FPR2: variants seen among roughly 807,000 people sequenced by gnomAD.
FPR2 encodes N-formyl peptide receptor 2.
A neutral mutation model predicts 4.0 loss-of-function variants in FPR2; 3 were observed. The ratio of observed to expected loss-of-function variants is 0.74; its 90% confidence interval spans 0.34 to 1.92. The LOEUF (loss-of-function observed/expected upper bound fraction) is 1.92. Ranked by LOEUF, FPR2 falls within the 30% of genes most tolerant of loss-of-function variation. The probability of loss-of-function intolerance (pLI) is 0.07; values close to 1 mark genes in which losing one functional copy is unlikely to be tolerated. For synonymous variants in FPR2, 179 were observed against 171.5 expected, an observed-to-expected ratio of 1.04 and a Z score of -0.34; for missense variants, 372 against 435.7, an observed-to-expected ratio of 0.85 and a Z score of 1.30.
intron 1 of FPR2, among the ~76,000 whole-genome samples, chr19:51,764,261 C>A (rs892387853): frequency 2.6e-5 from 4 of 152,106 alleles, no homozygotes; most frequent in Admixed American, 2.6e-4. Flanking sequence ...AACAAGAAGT[C>A]TTTATTCACA....
Position 51,769,909 on chromosome 19 carries a change from GT to G in FPR2, c.*201del. 1 of 606,448 alleles carries G rather than the reference GT, an allele frequency of 1.6e-6. No homozygotes were observed. 37.6% of individuals were successfully genotyped at this position (606,448 alleles called of 1,614,324 possible). ...TACTAAAATATTAGTGTTATTTTTT[GT>G]TTTTTGACTTCTGCCTATACCCTGG... On this transcript the variant is annotated 3_prime_UTR_variant, in exon 2 of 2. Coordinates refer to ENST00000340023, the MANE Select transcript of FPR2 (RefSeq NM_001005738.2). The surrounding 1 kb of genome is among the most constrained non-coding windows in gnomAD (Gnocchi z 4.4).
Position 51,769,443 on chromosome 19 carries a change from TTCTGGGCACCG to T in FPR2, c.791_801del (p.Gly264AlafsTer14), listed in dbSNP as rs2083888578. 6.2e-7 allele frequency: 1 copy of T among 1,614,118 alleles called. No individual in the cohort carries two copies. Among genetic ancestry groups the T allele is most frequent in the South Asian group, 1.1e-5 (1 of 91,090 alleles). ...TGGTTTCCCTTTCAACTGGTTGCCC[TTCTGGGCACCG>T]TCTGGCTCAAAGAGATGTTGTTCTA... On this transcript the variant is annotated frameshift_variant, in exon 2 of 2. Coordinates refer to ENST00000340023, the MANE Select transcript of FPR2 (RefSeq NM_001005738.2). LOFTEE classifies it low-confidence loss of function (END_TRUNC). The surrounding 1 kb of genome is among the most constrained non-coding windows in gnomAD (Gnocchi z 4.4).
intron 1 of FPR2, among the ~76,000 whole-genome samples, chr19:51,762,212 A>C (rs906034842): frequency 1.3e-5 from 2 of 151,072 alleles, no homozygotes; most frequent in African/African-American, 2.4e-5. Flanking sequence ...CAGCCTCCCA[A>C]GTAGCTGGGA....
In FPR2 at chr19:51,769,029, G is replaced by A. The variant is rs930013266; in HGVS notation, c.371G>A (p.Cys124Tyr). 5 of 1,614,068 alleles carry A rather than the reference G, an allele frequency of 3.1e-6. No homozygotes were observed. The African/African-American group carries it at 5.3e-5, about 17-fold the overall frequency. Residue 124 changes from cysteine to tyrosine, a missense_variant, in exon 2 of 2, where the codon TGC becomes TAC. Coordinates refer to ENST00000340023, the MANE Select transcript of FPR2 (RefSeq NM_001005738.2). This position sits in a 1 kb window ranked among gnomAD's most constrained non-coding sequence, Gnocchi z 4.4. ...ATTGGTTTCATTGCACTGGACCGCT[G>A]CATTTGTGTCCTGCATCCAGTCTGG... is the stretch of plus-strand genomic sequence containing the variant. ...FLIGFIALDR[C>Y]ICVLHPVWAQ...
chr19:51,765,324 C>T (rs1304430047), intron 1 of FPR2, among the ~76,000 whole-genome samples: 2 of 152,184 alleles, frequency 1.3e-5, no homozygotes, highest in Non-Finnish European at 2.9e-5. Flanking sequence ...TACCTGGTAA[C>T]GTTGAACAAT....
Position 51,769,616 on chromosome 19 carries a change from A to G in FPR2, c.958A>G (p.Ser320Gly). ...GAGACTGATCCACTCCCTGCCCACC[A>G]GTCTGGAGAGGGCCCTGTCTGAGGA... ...RERLIHSLPT[S>G]LERALSEDSA... Residue 320 changes from serine (S) to glycine (G), a missense_variant, in exon 2 of 2, where the codon AGT (serine) becomes GGT (glycine). Ser to Gly is a moderately conservative substitution (Grantham distance 56, BLOSUM62 0). Coordinates refer to ENST00000340023, the MANE Select transcript of FPR2 (RefSeq NM_001005738.2). The surrounding 1 kb of genome is among the most constrained non-coding windows in gnomAD (Gnocchi z 4.4). 2 of 1,614,148 alleles carry G rather than the reference A, an allele frequency of 1.2e-6. No individual in the cohort carries two copies. Among genetic ancestry groups the G allele is most frequent in the Non-Finnish European group, 1.7e-6 (2 of 1,180,012 alleles).
rs1159394552 is a variant in FPR2, at chr19:51,769,305, T to C, written c.647T>C (p.Ile216Thr). Residue 216 changes from isoleucine to threonine, a missense_variant, in exon 2 of 2, where the codon ATT (isoleucine) becomes ACT (threonine). Coordinates refer to ENST00000340023, the MANE Select transcript of FPR2 (RefSeq NM_001005738.2). The surrounding 1 kb of genome is among the most constrained non-coding windows in gnomAD (Gnocchi z 4.4). ...ATTGGCTTTAGCTTGCCGATGTCCA[T>C]TGTTGCCATCTGCTATGGGCTCATT... ...FVIGFSLPMS[I>T]VAICYGLIAA... is the part of the protein sequence containing the mutation. 1.2e-6 allele frequency: 2 copies of C among 1,614,070 alleles called. No individual in the cohort carries two copies. The highest frequency in any genetic ancestry group is 1.3e-5 in the African/African-American group (1 of 74,920).
Position 51,769,771 on chromosome 19 carries a change from C to T in FPR2, c.*57C>T, listed in dbSNP as rs2083891225. On this transcript the variant is annotated 3_prime_UTR_variant, in exon 2 of 2. Transcript: ENST00000340023. The surrounding 1 kb of genome is among the most constrained non-coding windows in gnomAD (Gnocchi z 4.4). The stretch of plus-strand genomic sequence containing the variant: ...CATCCTACCCTAATGCCAGTTCCAG[C>T]TTCATCTACCCTTGAGTCATATTGA... 1.5e-5 allele frequency: 21 copies of T among 1,425,748 alleles called. No individual in the cohort carries two copies. The highest frequency in any genetic ancestry group is 1.9e-5 in the Non-Finnish European group (19 of 1,020,220). 88.3% of individuals were successfully genotyped at this position (1,425,748 alleles called of 1,614,324 possible).
Position 51,768,819 on chromosome 19 carries a change from G to A in FPR2, c.161G>A (p.Arg54Gln), listed in dbSNP as rs192933693. Residue 54 changes from arginine (R) to glutamine (Q), a missense_variant, in exon 2 of 2, where the codon CGG (arginine) becomes CAG (glutamine). Transcript: ENST00000340023. Reference sequence around the variant, plus strand: ...CTTGTGATCTGGGTGGCTGGATTCCGGATGACACGCACAGTCACCACCATC... The same window carrying A: ...CTTGTGATCTGGGTGGCTGGATTCCAGATGACACGCACAGTCACCACCATC... ...NGLVIWVAGF[R>Q]MTRTVTTICY... 172 of 1,614,120 alleles carry A rather than the reference G, an allele frequency of 1.1e-4. 1 individual carries two copies. Among genetic ancestry groups the A allele is most frequent in the Middle Eastern group, 1.6e-4 (1 of 6,062 alleles).
At chr19:51,762,394 C>CTT (rs750941089) in intron 1 of FPR2, 45 of 116,094 alleles carry the variant, frequency 3.9e-4, no homozygotes, top group Middle Eastern at 9.6e-3. Context: ...CCTTATTGGA[C>CTT]TTTTTTTTTT....
rs2083888244 is a variant in FPR2 at position 51,769,403 on chromosome 19, T to C, written c.745T>C (p.Ser249Pro). Residue 249 changes from serine to proline, a missense_variant, in exon 2 of 2, where the codon TCT (serine) becomes CCT (proline). Ser to Pro is a moderately conservative substitution (Grantham distance 74). Transcript: ENST00000340023. The surrounding 1 kb of genome is among the most constrained non-coding windows in gnomAD (Gnocchi z 4.4). ...ACGGGTCCTCACTGCTGTGGTGGCT[T>C]CTTTCTTCATCTGTTGGTTTCCCTT... The part of the protein sequence containing the change: ...PLRVLTAVVA[S>P]FFICWFPFQL... 6 of 1,614,220 alleles carry C rather than the reference T, an allele frequency of 3.7e-6. No homozygotes were observed. The East Asian group carries it at 1.3e-4, about 36-fold the overall frequency.
chr19:51,761,831 A>C (rs1225221479), intron 1 of FPR2, among the ~76,000 whole-genome samples: 1 of 152,150 alleles, frequency 6.6e-6, no homozygotes, highest in African/African-American at 2.4e-5. Context: ...AAGTGTGAGG[A>C]GCTTAAGAGG....
intron 1 of FPR2, chr19:51,762,926 A>G (rs1303263804): frequency 6.6e-6 from 1 of 152,256 alleles, no homozygotes; most frequent in Non-Finnish European, 1.5e-5. Context: ...GTGAAATGAA[A>G]GATAAGTTCT....
chr19:51,769,411 C>T lies in FPR2; in HGVS notation c.753C>T (p.Phe251=). The T allele has an allele frequency of 6.2e-7, 1 of 1,614,238 alleles. No individual in the cohort carries two copies. The highest frequency in any genetic ancestry group is 1.1e-5 in the South Asian group (1 of 91,090). The part of the protein sequence containing the change: ...RVLTAVVASF[F]ICWFPFQLVA... ...TCACTGCTGTGGTGGCTTCTTTCTTCATCTGTTGGTTTCCCTTTCAACTGG... is the reference window on the plus strand; with the variant it reads ...TCACTGCTGTGGTGGCTTCTTTCTTTATCTGTTGGTTTCCCTTTCAACTGG... Residue 251 remains phenylalanine, a synonymous_variant, in exon 2 of 2, where the codon TTC becomes TTT. Transcript: ENST00000340023. The surrounding 1 kb of genome is among the most constrained non-coding windows in gnomAD (Gnocchi z 4.4).
At position 51,769,370 on chromosome 19, in the gene FPR2, C is replaced by A. The variant is rs866790761; in HGVS notation, c.712C>A (p.Arg238Ser). ...CAAAAAGGGCATGATTAAATCCAGC[C>A]GTCCCTTACGGGTCCTCACTGCTGT... ...IHKKGMIKSS[R>S]PLRVLTAVVA... Residue 238 changes from arginine to serine, a missense_variant, in exon 2 of 2, where the codon CGT (arginine) becomes AGT (serine). Arg to Ser is a moderately radical substitution (Grantham distance 110, BLOSUM62 -1). Transcript: ENST00000340023. This position sits in a 1 kb window ranked among gnomAD's most constrained non-coding sequence, Gnocchi z 4.4. The A allele has an allele frequency of 6.2e-7, 1 of 1,614,214 alleles. No homozygotes were observed. Among genetic ancestry groups the A allele is most frequent in the African/African-American group, 1.3e-5 (1 of 75,050 alleles).
chr19:51,764,149 G>A (rs1468813344), intron 1 of FPR2, among the ~76,000 whole-genome samples: 1 of 152,128 alleles, frequency 6.6e-6, no homozygotes, highest in African/African-American at 2.4e-5. Context: ...AATCTTGAGG[G>A]TTTGTTTTTG....
At position 51,768,680 on chromosome 19, in the gene FPR2, C is replaced by T. The variant is rs149355664; in HGVS notation, c.22C>T (p.Pro8Ser). 25 of 1,609,124 alleles carry T rather than the reference C, an allele frequency of 1.6e-5. No individual in the cohort carries two copies. In the African/African-American group the frequency reaches 2.8e-4, roughly 18 times the overall value. ...CAAGATGGAAACCAACTTCTCCACTCCTCTGAATGAATATGAAGAAGTGTC... is the reference window on the plus strand; with the variant it reads ...CAAGATGGAAACCAACTTCTCCACTTCTCTGAATGAATATGAAGAAGTGTC... METNFST[P>S]LNEYEEVSYE... Residue 8 changes from proline to serine, a missense_variant, in exon 2 of 2, where the codon CCT (proline) becomes TCT (serine). Transcript: ENST00000340023.
In FPR2 at chr19:51,769,822, T is replaced by C. The variant is rs1269394200; in HGVS notation, c.*108T>C. 3 of 904,450 alleles carry C rather than the reference T, an allele frequency of 3.3e-6. No individual in the cohort carries two copies. Among genetic ancestry groups the C allele is most frequent in the Non-Finnish European group, 5.1e-6 (3 of 591,378 alleles). 56.0% of individuals were successfully genotyped at this position (904,450 alleles called of 1,614,324 possible). A position where few individuals can be genotyped will look rare whatever the true frequency, so the allele number is the denominator to read the frequency against. Reference sequence around the variant, plus strand: ...GGCATTCAAGGATGCACAGCTCAAGTATTTATTCAGGAAAAATGCTTTTGT... The same window carrying C: ...GGCATTCAAGGATGCACAGCTCAAGCATTTATTCAGGAAAAATGCTTTTGT... On this transcript the variant is annotated 3_prime_UTR_variant, in exon 2 of 2. Coordinates refer to ENST00000340023, the MANE Select transcript of FPR2 (RefSeq NM_001005738.2). This position sits in a 1 kb window ranked among gnomAD's most constrained non-coding sequence, Gnocchi z 4.4.
Position 51,769,495 on chromosome 19 carries a change from C to G in FPR2, c.837C>G (p.Ile279Met). The change falls in exon 2 of 2, where the codon ATC becomes ATG. Residue 279 changes from isoleucine (I) to methionine (M), a missense_variant. Transcript: ENST00000340023. The surrounding 1 kb of genome is among the most constrained non-coding windows in gnomAD (Gnocchi z 4.4). ...TGTTGTTCTATGGCAAGTACAAAAT[C>G]ATTGACATCCTGGTTAACCCAACGA... ...KEMLFYGKYK[I>M]IDILVNPTSS... The G allele has an allele frequency of 6.2e-7, 1 of 1,614,188 alleles. No homozygotes were observed. The highest frequency in any genetic ancestry group is 8.5e-7 in the Non-Finnish European group (1 of 1,180,036).
Sources: allele counts gnomAD v4.1 joint callset (sites outside exome capture counted in the v4.1 genomes callset), GRCh38; gene constraint gnomAD v4.1.1; non-coding constraint Gnocchi (gnomAD v3.1); transcripts MANE v1.5; gene names NCBI Gene and HGNC (gene_info 2026-07-23, HGNC 2026-07-21).